PLEKHA5: variants seen among roughly 807,000 people sequenced by gnomAD.
PLEKHA5 encodes pleckstrin homology domain containing A5, also known as pleckstrin homology domain-containing family A member 5.
In PLEKHA5, 55 loss-of-function variants were observed where a neutral mutation model predicts 181.9. The ratio of observed to expected loss-of-function variants is 0.30; its 90% CI spans 0.24 to 0.38. The LOEUF (loss-of-function observed/expected upper bound fraction) is 0.38. Among genes scored for constraint, PLEKHA5 ranks in the 10% least tolerant of loss-of-function variants. The pLI, the probability that PLEKHA5 is intolerant of heterozygous loss-of-function variation, is 1.00. For missense variants in PLEKHA5, 1,432 were observed against 1,549.5 expected, an observed-to-expected ratio of 0.92 and a Z score of 1.27; for synonymous variants, 535 against 529.4, an observed-to-expected ratio of 1.01 and a Z score of -0.15.
chr12:19,230,838 C>T (rs902106118), intron 3 of PLEKHA5, among the ~76,000 whole-genome samples: 9 of 152,186 alleles, frequency 5.9e-5, no homozygotes, highest in African/African-American at 1.7e-4. Context: ...TCCTCAGGCA[C>T]GGCCAGAGTG....
intron 21 of PLEKHA5, among the ~76,000 whole-genome samples, chr12:19,342,700 C>T (rs1029089074): frequency 1.3e-5 from 2 of 151,988 alleles, no homozygotes; most frequent in Non-Finnish European, 2.9e-5. Flanking sequence ...TCACTTGCGC[C>T]CAGGAGGCAG....
chr12:19,292,461 G>A (rs918061170), intron 15 of PLEKHA5, among the ~76,000 whole-genome samples: 3 of 152,180 alleles, frequency 2.0e-5, no homozygotes, highest in Non-Finnish European at 4.4e-5. Flanking sequence ...GAGGAAGGAA[G>A]ATGGGTGAAG....
chr12:19,265,681 A>G (rs2070120400), intron 7 of PLEKHA5, 69 bp from the exon 8 acceptor site: 1 of 876,290 alleles, frequency 1.1e-6, no homozygotes, highest in African/African-American at 1.7e-5. Flanking sequence ...TTTGGCAAAA[A>G]TAGATCTTGA....
chr12:19,178,782 T>A (rs963212907), intron 3 of PLEKHA5, among the ~76,000 whole-genome samples: 2 of 152,312 alleles, frequency 1.3e-5, no homozygotes, highest in South Asian at 4.1e-4. Context: ...TGGGCTAATA[T>A]GCAGTGATGT....
chr12:19,291,447 T>G (rs1050284254), intron 14 of PLEKHA5, among the ~76,000 whole-genome samples, 197 bp from the exon 15 acceptor site: 1 of 152,240 alleles, frequency 6.6e-6, no homozygotes, highest in Non-Finnish European at 1.5e-5. Flanking sequence ...ACGTAATTTC[T>G]TACAAAACAA....
At chr12:19,194,005 A>G (rs1271415209) in intron 3 of PLEKHA5, among the ~76,000 whole-genome samples, 3 of 152,156 alleles carry the variant, frequency 2.0e-5, no homozygotes, top group Admixed American at 2.0e-4. Flanking sequence ...GCACCAAGCC[A>G]TGAGGGATCC....
At chr12:19,198,063 A>G (rs1433600627) in intron 3 of PLEKHA5, among the ~76,000 whole-genome samples, 4 of 151,918 alleles carry the variant, frequency 2.6e-5, no homozygotes, top group Non-Finnish European at 5.9e-5. Flanking sequence ...CACTCAGACA[A>G]CTGTGGCAGC....
chr12:19,139,505 AT>A (rs1455340536), intron 3 of PLEKHA5, among the ~76,000 whole-genome samples: 2 of 152,200 alleles, frequency 1.3e-5, no homozygotes, highest in East Asian at 3.9e-4. Flanking sequence ...CATCCATCTA[AT>A]TATTCATTCA....
chr12:19,268,577 T>C (rs1362330268), intron 8 of PLEKHA5, among the ~76,000 whole-genome samples: 1 of 152,240 alleles, frequency 6.6e-6, no homozygotes, highest in African/African-American at 2.4e-5. Flanking sequence ...CTTATCAGAA[T>C]GGTAAGTAGA....
At chr12:19,240,324 A>C (rs982495716) in intron 3 of PLEKHA5, among the ~76,000 whole-genome samples, 1 of 152,158 alleles carries the variant, frequency 6.6e-6, no homozygotes, top group Non-Finnish European at 1.5e-5. Flanking sequence ...CCACACGCAA[A>C]AGAGTGGATA....
chr12:19,238,173 A>G (rs1022233295), intron 3 of PLEKHA5, among the ~76,000 whole-genome samples: 27 of 152,086 alleles, frequency 1.8e-4, no homozygotes, highest in African/African-American at 6.3e-4. Flanking sequence ...TTTCAAGTCT[A>G]GATGAGGAAA....
chr12:19,150,121 A>T (rs942212499), intron 3 of PLEKHA5: 1 of 152,192 alleles, frequency 6.6e-6, no homozygotes, highest in African/African-American at 2.4e-5. Flanking sequence ...CACACTGCTG[A>T]TCATATATGT....
chr12:19,320,020 G>C lies in PLEKHA5; in HGVS notation c.2119-1G>C. ...CATCCTTTTCCTTCATTATCTTTTA[G>C]TTCTTAAGACAGAAGAGCAAGATAA... On this transcript the variant is annotated splice_acceptor_variant, in intron 16 of 31. Coordinates refer to ENST00000429027, the MANE Select transcript of PLEKHA5 (RefSeq NM_001256470.2). LOFTEE classifies it high-confidence loss of function. 1 of 1,339,796 alleles carries C rather than the reference G, an allele frequency of 7.5e-7. No individual in the cohort carries two copies. Among genetic ancestry groups the C allele is most frequent in the South Asian group, 1.3e-5 (1 of 75,250 alleles). The allele number at this position is 1,339,796 out of a possible 1,614,324, so 83.0% of individuals were successfully genotyped here.
At chr12:19,262,865 C>T (rs1243351089) in intron 7 of PLEKHA5, among the ~76,000 whole-genome samples, 1 of 152,086 alleles carries the variant, frequency 6.6e-6, no homozygotes, top group East Asian at 1.9e-4. Flanking sequence ...ACCCCTGAAC[C>T]TATAATAGAA....
intron 30 of PLEKHA5, 36 bp downstream of exon 30, chr12:19,366,145 G>T: frequency 6.5e-7 from 1 of 1,533,078 alleles, no homozygotes; most frequent in Non-Finnish European, 8.9e-7. Context: ...TCTACCTGGT[G>T]CTTCCTCTGA....
intron 3 of PLEKHA5, among the ~76,000 whole-genome samples, chr12:19,143,575 CATAATT>C (rs2038041994): frequency 6.6e-6 from 1 of 151,906 alleles, no homozygotes; most frequent in African/African-American, 2.4e-5. Flanking sequence ...ATATATAACA[CATAATT>C]ATATATGCAG....
chr12:19,368,474 C>T (rs1247197301), intron 30 of PLEKHA5, among the ~76,000 whole-genome samples: 3 of 151,884 alleles, frequency 2.0e-5, no homozygotes, highest in African/African-American at 4.8e-5. Context: ...CCAGCCTGAG[C>T]AACAGAGCAA....
intron 7 of PLEKHA5, among the ~76,000 whole-genome samples, chr12:19,262,767 T>C (rs969474839): frequency 6.6e-6 from 1 of 152,182 alleles, no homozygotes; most frequent in African/African-American, 2.4e-5. Context: ...TAGTACCAAC[T>C]GGGTACTGTG....
chr12:19,290,663 T>C lies in PLEKHA5; in HGVS notation c.1864-14T>C. On this transcript the variant is annotated splice_polypyrimidine_tract_variant and intron_variant, in intron 13 of 31. Coordinates refer to ENST00000429027, the MANE Select transcript of PLEKHA5 (RefSeq NM_001256470.2). Reference sequence around the variant, plus strand: ...GTTTTCCACTGTTTGGATTCTTAAATTGTACTCCTTCAGCCAGAGGAGCTT... The same window carrying C: ...GTTTTCCACTGTTTGGATTCTTAAACTGTACTCCTTCAGCCAGAGGAGCTT... 1.3e-6 allele frequency: 2 copies of C among 1,528,454 alleles called. No individual in the cohort carries two copies. The highest frequency in any genetic ancestry group is 1.8e-6 in the Non-Finnish European group (2 of 1,142,286). The allele number at this position is 1,528,454 out of a possible 1,614,324, so 94.7% of individuals were successfully genotyped here.
Sources: allele counts gnomAD v4.1 joint callset (sites outside exome capture counted in the v4.1 genomes callset), GRCh38; gene constraint gnomAD v4.1.1; transcripts MANE v1.5; gene names NCBI Gene and HGNC (gene_info 2026-07-23, HGNC 2026-07-21).